Variants in LTBP2 observed in about 807,000 individuals in gnomAD.
The protein encoded by LTBP2 is latent-transforming growth factor beta-binding protein 2.
A neutral mutation model predicts 210.6 loss-of-function variants in LTBP2; 103 were observed. The ratio of observed to expected loss-of-function variants is 0.49; its 90% CI spans 0.42 to 0.58. LTBP2 has a LOEUF of 0.58. LTBP2 is among the 20% of genes least tolerant of loss of function. The pLI is 0.00. For missense variants in LTBP2, 2,313 were observed against 2,494.5 expected (o/e 0.93, Z 1.55); for synonymous variants, 1,007 against 1,015.0 (o/e 0.99, Z 0.15).
rs2088204314 is a variant in LTBP2, at chr14:74,586,254, C to T, written c.566-136G>A. The T allele has an allele frequency of 1.0e-6, 1 of 969,044 alleles. No individual in the cohort carries two copies. Among genetic ancestry groups the T allele is most frequent in the Non-Finnish European group, 1.5e-6 (1 of 658,422 alleles). 60.0% of individuals were successfully genotyped at this position (969,044 alleles called of 1,614,324 possible). A position where few individuals can be genotyped will look rare whatever the true frequency, so the allele number is the denominator to read the frequency against. Reference sequence around the variant, plus strand: ...AAGCAGGAAGCCACTCTCCTGGCCTCAGGGGGCTCCCTGACCCATGTCTCT... The same window carrying T: ...AAGCAGGAAGCCACTCTCCTGGCCTTAGGGGGCTCCCTGACCCATGTCTCT... On this transcript the variant is annotated intron_variant, in intron 2 of 35. Coordinates refer to ENST00000261978, the MANE Select transcript of LTBP2 (RefSeq NM_000428.3). The surrounding 1 kb of genome is among the most constrained non-coding windows in gnomAD (Gnocchi z 4.6).
In LTBP2 at chr14:74,502,996, G is replaced by A. The variant is rs150665236; in HGVS notation, c.4889-62C>T. 140 of 1,596,902 alleles carry A rather than the reference G, an allele frequency of 8.8e-5. No homozygotes were observed. The African/African-American group carries it at 1.7e-3, about 19-fold the overall frequency. On this transcript the variant is annotated intron_variant, in intron 33 of 35. Transcript: ENST00000261978. ...GCTCCTGCCAGCTAAAGCCTGGCTGGCTTTGTCTCTGGGAGCATGCAAGGA... is the reference window on the plus strand; with the variant it reads ...GCTCCTGCCAGCTAAAGCCTGGCTGACTTTGTCTCTGGGAGCATGCAAGGA...
chr14:74,607,705 T>C (rs1364266118), intron 1 of LTBP2, among the ~76,000 whole-genome samples: 2 of 152,214 alleles, frequency 1.3e-5, no homozygotes, highest in African/African-American at 4.8e-5. Context: ...GTCTCACTTA[T>C]CTAAGTTTAA....
chr14:74,536,035 C>T (rs1326187093), intron 8 of LTBP2, 35 bp from the exon 9 acceptor site: 16 of 1,581,614 alleles, frequency 1.0e-5, no homozygotes, highest in South Asian at 2.2e-5. Context: ...TCTCACTGGA[C>T]GGCCCCTGGG....
rs753186679 is a variant in LTBP2, at chr14:74,552,898, G to A, written c.1186C>T (p.Arg396Cys). 1.7e-5 allele frequency: 28 copies of A among 1,612,532 alleles called. No individual in the cohort carries two copies. The highest frequency in any genetic ancestry group is 1.7e-4 in the Middle Eastern group (1 of 5,938). ...GAGCAGGAAAGGGACTCACAGATGC[G>A]GAAGCCAGACTTGGGATCGTGCCCA... ...GHGHDPKSGF[R>C]IYFCQIPCLN... The change falls in exon 5 of 36, where the codon CGC becomes TGC. Residue 396 changes from arginine (R) to cysteine (C), a missense_variant. Physicochemically the swap from Arg to Cys is radical, Grantham distance 180. Coordinates refer to ENST00000261978, the MANE Select transcript of LTBP2 (RefSeq NM_000428.3).
intron 8 of LTBP2, among the ~76,000 whole-genome samples, chr14:74,544,861 C>T (rs2087557983): frequency 6.6e-6 from 1 of 152,100 alleles, no homozygotes; most frequent in African/African-American, 2.4e-5. Flanking sequence ...AATAAGTTGT[C>T]CCTTGTGATC....
In LTBP2 at chr14:74,506,699, C is replaced by T. The variant is rs1227025858; in HGVS notation, c.4032G>A (p.Val1344=). The T allele has an allele frequency of 6.2e-7, 1 of 1,613,364 alleles. No homozygotes were observed. The part of the protein sequence containing the change: ...FEISPSGWDC[V]DVNECELMLA... Reference sequence around the variant, plus strand: ...TTGGGTAGCCCACAGGCTCCTCACCCACACAGTCCCAGCCTGAGGGAGAGA... The same window carrying T: ...TTGGGTAGCCCACAGGCTCCTCACCTACACAGTCCCAGCCTGAGGGAGAGA... The change falls in exon 27 of 36, where the codon GTG becomes GTA. Residue 1344 remains valine, a splice_region_variant and synonymous_variant. Transcript: ENST00000261978.
chr14:74,550,653 C>T (rs1327324737), intron 7 of LTBP2, among the ~76,000 whole-genome samples: 1 of 152,194 alleles, frequency 6.6e-6, no homozygotes, highest in Non-Finnish European at 1.5e-5. Context: ...GGTTAACCTC[C>T]ATTTGTTAAT....
At chr14:74,596,749 G>A (rs2088370627) in intron 2 of LTBP2, among the ~76,000 whole-genome samples, 1 of 152,218 alleles carries the variant, frequency 6.6e-6, no homozygotes, top group Non-Finnish European at 1.5e-5. Flanking sequence ...AGAGGAAGGT[G>A]TCCCTGTAGC....
chr14:74,543,205 C>T (rs972469981), intron 8 of LTBP2, among the ~76,000 whole-genome samples: 6 of 151,632 alleles, frequency 4.0e-5, no homozygotes, highest in African/African-American at 7.3e-5. Flanking sequence ...GGTGAAACTC[C>T]GTCTCTCCTA....
intron 34 of LTBP2, 62 bp from the exon 35 acceptor site, chr14:74,501,652 C>T: frequency 6.2e-7 from 1 of 1,605,256 alleles, no homozygotes; most frequent in South Asian, 1.1e-5. Flanking sequence ...CTCCCTAATG[C>T]TGGGACCCTC....
In LTBP2 at chr14:74,540,844, TA is replaced by T. The variant is rs1329929109; in HGVS notation, c.1790-4845del. Reference sequence around the variant, plus strand: ...TATTTTTATATAATATATATTTATATATATTATATATATTATATATATTTAT... The same window carrying T: ...TATTTTTATATAATATATATTTATATTATTATATATATTATATATATTTAT... On this transcript the variant is annotated intron_variant, in intron 8 of 35. Coordinates refer to ENST00000261978, the MANE Select transcript of LTBP2 (RefSeq NM_000428.3). Among the ~76,000 whole-genome samples the T allele has an allele frequency of 1.1e-3, 35 of 31,070 alleles. 1 individual carries two copies. Among genetic ancestry groups the T allele is most frequent in the East Asian group, 2.3e-3 (4 of 1,740 alleles). 20.4% of individuals were successfully genotyped at this position (31,070 alleles called of 152,430 possible). A position where few individuals can be genotyped will look rare whatever the true frequency, so the allele number is the denominator to read the frequency against.
At chr14:74,556,404 T>C (rs2087729270) in intron 3 of LTBP2, among the ~76,000 whole-genome samples, 1 of 152,274 alleles carries the variant, frequency 6.6e-6, no homozygotes, top group Admixed American at 6.5e-5. Flanking sequence ...CTTTACACAA[T>C]TCAATTTGTC....
chr14:74,527,288 C>G, intron 13 of LTBP2, 59 bp downstream of exon 13: 1 of 1,592,870 alleles, frequency 6.3e-7, no homozygotes. Flanking sequence ...GCCTGAGCTG[C>G]TACCAGGTCC....
At chr14:74,568,874 C>T (rs4903240) in intron 3 of LTBP2, among the ~76,000 whole-genome samples, 1 of 152,056 alleles carries the variant, frequency 6.6e-6, no homozygotes, top group Non-Finnish European at 1.5e-5. Flanking sequence ...ATCCTATGAA[C>T]CTCATGCTTG....
chr14:74,527,462 G>T, intron 12 of LTBP2, 96 bp from the exon 13 acceptor site: 1 of 1,328,246 alleles, frequency 7.5e-7, no homozygotes, highest in South Asian at 1.3e-5. Context: ...CTGCGCCCCA[G>T]ACCACATCCC....
chr14:74,553,972 G>C (rs1369692201), intron 4 of LTBP2, among the ~76,000 whole-genome samples: 1 of 149,830 alleles, frequency 6.7e-6, no homozygotes, highest in African/African-American at 2.5e-5. Context: ...GTGTGAATGA[G>C]AGAGCTGTAA....
Position 74,549,924 on chromosome 14 carries a change from G to A in LTBP2, c.1728C>T (p.Cys576=), listed in dbSNP as rs779832955. 3 of 1,614,120 alleles carry A rather than the reference G, an allele frequency of 1.9e-6. No individual in the cohort carries two copies. In the South Asian group the frequency reaches 3.3e-5, roughly 18 times the overall value. ...PLLELTTQED[C]CGSVGAFWGV... ...CCCAGAAGGCTCCCACACTGCCACA[G>A]CAGTCCTCCTGGGTAGTCAGCTCCA... Residue 576 remains cysteine (C), a synonymous_variant, in exon 8 of 36, where the codon TGC becomes TGT. Transcript: ENST00000261978.
rs1394883681 is a variant in LTBP2 at position 74,521,983 on chromosome 14, C to G, written c.2716G>C (p.Val906Leu). 1 of 1,614,140 alleles carries G rather than the reference C, an allele frequency of 6.2e-7. No homozygotes were observed. The highest frequency in any genetic ancestry group is 2.2e-5 in the East Asian group (1 of 44,880). ...CKGKGRCINR[V>L]GSYSCFCYPG... is the part of the protein sequence containing the mutation. ...TAGCAGAAGCAGGAGTAGGACCCCA[C>G]GCGGTTGATGCAGCGCCCTTTTCCC... Residue 906 changes from valine to leucine, a missense_variant, in exon 17 of 36, where the codon GTG (valine) becomes CTG (leucine). Physicochemically the swap from Val to Leu is conservative, Grantham distance 32. Coordinates refer to ENST00000261978, the MANE Select transcript of LTBP2 (RefSeq NM_000428.3).
intron 25 of LTBP2, 103 bp from the exon 26 acceptor site, chr14:74,507,413 C>A (rs977157169): frequency 6.0e-6 from 9 of 1,503,976 alleles, no homozygotes; most frequent in Non-Finnish European, 7.4e-6. Flanking sequence ...TGATCTATTC[C>A]AAATTACTGT....
Sources: allele counts gnomAD v4.1 joint callset (sites outside exome capture counted in the v4.1 genomes callset), GRCh38; gene constraint gnomAD v4.1.1; non-coding constraint Gnocchi (gnomAD v3.1); transcripts MANE v1.5; gene names NCBI Gene and HGNC (gene_info 2026-07-23, HGNC 2026-07-21).